MYOF: variants seen among roughly 807,000 people sequenced by gnomAD.
MYOF encodes myoferlin, also known as fer-1-like 3, myoferlin.
A neutral mutation model predicts 284.2 loss-of-function variants in MYOF; 244 were observed. The observed-to-expected ratio is 0.86, with a 90% CI of 0.77 to 0.95. The LOEUF is 0.95. Among genes scored for constraint, MYOF ranks in the 40% least tolerant of loss-of-function variants. The pLI is 0.00. For missense variants in MYOF, 2,496 were observed against 2,560.6 expected, an observed-to-expected ratio of 0.97 and a Z score of 0.54; for synonymous variants, 904 against 919.7, an observed-to-expected ratio of 0.98 and a Z score of 0.31.
chr10:93,347,713 G>A lies in MYOF; in HGVS notation c.4153C>T (p.Arg1385Trp). The change falls in exon 37 of 54, where the codon CGG becomes TGG. Residue 1385 changes from arginine to tryptophan, a missense_variant. Coordinates refer to ENST00000359263, the MANE Select transcript of MYOF (RefSeq NM_013451.4). The stretch of plus-strand genomic sequence containing the variant: ...GTGCACTGGCCGACGACAGGCTTCC[G>A]CCCAAACTGCCTGTGGTCGATGACC... ...IKVIDHRQFG[R>W]KPVVGQCTIE... 4 of 1,614,070 alleles carry A rather than the reference G, an allele frequency of 2.5e-6. No homozygotes were observed. The highest frequency in any genetic ancestry group is 2.7e-5 in the African/African-American group (2 of 75,036).
At chr10:93,331,188 A>G (rs1843281151) in intron 43 of MYOF, among the ~76,000 whole-genome samples, 1 of 152,162 alleles carries the variant, frequency 6.6e-6, no homozygotes, top group South Asian at 2.1e-4. Flanking sequence ...GACTCTGAGT[A>G]ACGGCCACGC....
chr10:93,471,396 A>G (rs1362768557), intron 1 of MYOF, among the ~76,000 whole-genome samples: 1 of 151,914 alleles, frequency 6.6e-6, no homozygotes, highest in South Asian at 2.1e-4. Context: ...TCCAACCACT[A>G]AACAACTCAA....
intron 19 of MYOF, among the ~76,000 whole-genome samples, chr10:93,383,705 T>C (rs1846229250): frequency 3.3e-5 from 5 of 152,124 alleles, no homozygotes; most frequent in Admixed American, 3.3e-4. Flanking sequence ...ACTAGGATGA[T>C]AGGAGAAAAG....
intron 5 of MYOF, among the ~76,000 whole-genome samples, chr10:93,411,379 C>T (rs550351383): frequency 1.1e-4 from 16 of 152,326 alleles, no homozygotes; most frequent in African/African-American, 3.8e-4. Context: ...CCCTTGAGCC[C>T]ATTTTGATCA....
At chr10:93,472,057 C>T (rs1380434697) in intron 1 of MYOF, among the ~76,000 whole-genome samples, 1 of 152,212 alleles carries the variant, frequency 6.6e-6, no homozygotes, top group African/African-American at 2.4e-5. Context: ...CAGGCTCTTT[C>T]AGGCTGCTGC....
At chr10:93,478,302 C>A in intron 1 of MYOF, 1 of 232,182 alleles carries the variant, frequency 4.3e-6, no homozygotes, top group Non-Finnish European at 8.7e-6. Context: ...CCGCATGGAA[C>A]TTAGGGCAGA....
intron 36 of MYOF, among the ~76,000 whole-genome samples, chr10:93,348,262 G>A (rs759324642): frequency 1.3e-5 from 2 of 152,130 alleles, no homozygotes; most frequent in Non-Finnish European, 2.9e-5. Context: ...CTTTAGAAAT[G>A]GTCAAGACAA....
At chr10:93,374,491 T>C (rs1845746256) in intron 23 of MYOF, among the ~76,000 whole-genome samples, 1 of 152,186 alleles carries the variant, frequency 6.6e-6, no homozygotes, top group Non-Finnish European at 1.5e-5. Flanking sequence ...TTCAAAATAT[T>C]CTCCGACAGT....
intron 1 of MYOF, among the ~76,000 whole-genome samples, chr10:93,477,851 A>G (rs1232741038): frequency 1.3e-5 from 2 of 152,194 alleles, no homozygotes; most frequent in Non-Finnish European, 2.9e-5. Context: ...CATCTAAAAA[A>G]TAAATAAATA....
rs752996731 is a variant in MYOF, at chr10:93,381,231, C to T, written c.1864G>A (p.Ala622Thr). Residue 622 changes from alanine to threonine, a missense_variant, in exon 20 of 54, where the codon GCT becomes ACT. By Grantham distance (58) the Ala-to-Thr change is moderately conservative. Coordinates refer to ENST00000359263, the MANE Select transcript of MYOF (RefSeq NM_013451.4). ...GTGCCAATCTTACCATCAAATACAGCACGGCTGTACTGAGTTGTTGATGCC... is the reference window on the plus strand; with the variant it reads ...GTGCCAATCTTACCATCAAATACAGTACGGCTGTACTGAGTTGTTGATGCC... ...PLASTTQYSR[A>T]VFDGNYYYYL... 2 of 1,614,058 alleles carry T rather than the reference C, an allele frequency of 1.2e-6. No individual in the cohort carries two copies. Among genetic ancestry groups the T allele is most frequent in the African/African-American group, 1.3e-5 (1 of 74,934 alleles).
intron 3 of MYOF, among the ~76,000 whole-genome samples, chr10:93,448,086 C>CA: frequency 6.6e-6 from 1 of 152,292 alleles, no homozygotes; most frequent in East Asian, 1.9e-4. Flanking sequence ...CCTGCACTTT[C>CA]AACCCTCACT....
At chr10:93,308,693 A>G (rs1589365131) in intron 53 of MYOF, among the ~76,000 whole-genome samples, 1 of 151,260 alleles carries the variant, frequency 6.6e-6, no homozygotes, top group South Asian at 2.1e-4. Flanking sequence ...AAGACACAAA[A>G]CCCCTGCTGC....
intron 26 of MYOF, 88 bp from the exon 27 acceptor site, chr10:93,364,163 C>A: frequency 9.4e-7 from 1 of 1,067,412 alleles, no homozygotes; most frequent in East Asian, 2.4e-5. Context: ...GCATCTACAC[C>A]CTGGGAGTGG....
chr10:93,452,435 A>G (rs771722128), intron 2 of MYOF, among the ~76,000 whole-genome samples: 1 of 151,802 alleles, frequency 6.6e-6, no homozygotes. Context: ...GCTGGACTCA[A>G]CGACTACCAC....
intron 50 of MYOF, 33 bp from the exon 51 acceptor site, chr10:93,313,243 G>C: frequency 6.3e-7 from 1 of 1,581,016 alleles, no homozygotes; most frequent in Non-Finnish European, 8.6e-7. Context: ...GTCCAAATGA[G>C]CTTCAAGTGG....
intron 7 of MYOF, among the ~76,000 whole-genome samples, chr10:93,406,821 ATTTCT>A (rs1847615502): frequency 6.6e-6 from 1 of 151,856 alleles, no homozygotes; most frequent in Admixed American, 6.6e-5. Context: ...AGAAGAAATC[ATTTCT>A]TTTCTGAATA....
chr10:93,411,921 T>C (rs1039055026), intron 5 of MYOF, among the ~76,000 whole-genome samples: 3 of 152,192 alleles, frequency 2.0e-5, no homozygotes, highest in Non-Finnish European at 2.9e-5. Flanking sequence ...TTTCAGGTTC[T>C]TCTGTGGGCC....
rs1272875759 is a variant in MYOF, at chr10:93,328,840, C to A, written c.5054G>T (p.Gly1685Val). 1.9e-6 allele frequency: 3 copies of A among 1,613,636 alleles called. No individual in the cohort carries two copies. The highest frequency in any genetic ancestry group is 2.5e-6 in the Non-Finnish European group (3 of 1,179,652). ...QLLQNVARFK[G>V]FPQPILSEDG... is the part of the protein sequence containing the mutation. ...TTCGGAAAGGATGGGTTGTGGGAAG[C>A]CTTTGAATCTGGCGACATTTTGAAG... Residue 1685 changes from glycine to valine, a missense_variant, in exon 45 of 54, where the codon GGC becomes GTC. This residue lies in a region of MYOF where 2,436 missense variants were observed against 2,480.7 expected (regional missense o/e 0.98). Transcript: ENST00000359263.
intron 22 of MYOF, among the ~76,000 whole-genome samples, chr10:93,376,072 G>C (rs1209084260): frequency 6.6e-6 from 1 of 152,174 alleles, no homozygotes; most frequent in African/African-American, 2.4e-5. Context: ...TGAATTTCCT[G>C]TTACATAAAG....
Sources: allele counts gnomAD v4.1 joint callset (sites outside exome capture counted in the v4.1 genomes callset), GRCh38; gene constraint gnomAD v4.1.1; regional missense constraint gnomAD v4.1.1; transcripts MANE v1.5; gene names NCBI Gene and HGNC (gene_info 2026-07-23, HGNC 2026-07-21).